The following XIRP2 variants were observed in gnomAD, a reference collection of about 807,000 sequenced individuals.
XIRP2 encodes the protein xin actin-binding repeat-containing protein 2.
In XIRP2, 236 loss-of-function variants were observed where a neutral mutation model predicts 277.0. That is an observed-to-expected ratio of 0.85 (90% CI 0.77 to 0.95). The LOEUF (loss-of-function observed/expected upper bound fraction) is 0.95, where lower values mean the gene tolerates loss of function less well. XIRP2 is among the 40% of genes least tolerant of loss of function. XIRP2 has a pLI of 0.00. For missense variants in XIRP2, 4,640 were observed against 4,157.5 expected, an observed-to-expected ratio of 1.12 and a Z score of -3.19; for synonymous variants, 1,490 against 1,416.5, an observed-to-expected ratio of 1.05 and a Z score of -1.17.
Position 167,251,565 on chromosome 2 carries a change from C to T in XIRP2, c.10173C>T (p.Cys3391=). Residue 3391 remains cysteine, a synonymous_variant, in exon 9 of 11, where the codon TGC becomes TGT. Coordinates refer to ENST00000409195, the MANE Select transcript of XIRP2 (RefSeq NM_152381.6). ...LGNTSFTDFS[C]KHPRELREKI... The stretch of plus-strand genomic sequence containing the variant: ...ACACGAGTTTTACAGACTTTTCTTG[C>T]AAACATCCTAGAGAACTGCGAGAAA... The T allele has an allele frequency of 2.5e-6, 4 of 1,613,540 alleles. No individual in the cohort carries two copies. In the African/African-American group the frequency reaches 5.3e-5, roughly 22 times the overall value.
chr2:166,974,465 A>G (rs1686659162), intron 2 of XIRP2, among the ~76,000 whole-genome samples: 1 of 152,194 alleles, frequency 6.6e-6, no homozygotes, highest in Non-Finnish European at 1.5e-5. Context: ...AGTTATATAT[A>G]TATACACATA....
At chr2:167,115,130 T>C (rs543512652) in intron 2 of XIRP2, among the ~76,000 whole-genome samples, 1 of 152,304 alleles carries the variant, frequency 6.6e-6, no homozygotes, top group East Asian at 1.9e-4. Context: ...TTTTAAAGAT[T>C]GCCATTCTAA....
At chr2:166,980,573 C>A (rs991057611) in intron 2 of XIRP2, among the ~76,000 whole-genome samples, 1 of 151,992 alleles carries the variant, frequency 6.6e-6, no homozygotes, top group Admixed American at 6.6e-5. Flanking sequence ...CCCGCCACCA[C>A]GTCTGGCTAA....
intron 3 of XIRP2, among the ~76,000 whole-genome samples, chr2:167,181,756 G>A (rs997571579): frequency 2.6e-5 from 4 of 151,968 alleles, no homozygotes; most frequent in East Asian, 3.9e-4. Flanking sequence ...AAACACTGAC[G>A]TAACTAGTAA....
At chr2:167,254,216 T>A in intron 10 of XIRP2, 51 bp downstream of exon 10, 4 of 1,565,620 alleles carry the variant, frequency 2.6e-6, no homozygotes, top group Non-Finnish European at 3.5e-6. Context: ...CTGCACTCTA[T>A]GTATAGCCTC....
Position 167,198,333 on chromosome 2 carries a change from T to C in XIRP2, c.563-12402T>C, listed in dbSNP as rs143560104. 7.9e-3 allele frequency among the ~76,000 whole-genome samples: 1,203 copies of C among 152,314 alleles called. 10 individuals carry two copies. Among genetic ancestry groups the C allele is most frequent in the Non-Finnish European group, 0.01 (690 of 68,012 alleles). On this transcript the variant is annotated intron_variant, in intron 3 of 10. Coordinates refer to ENST00000409195, the MANE Select transcript of XIRP2 (RefSeq NM_152381.6). ...CTGATTGCATCAGAGTTTTGATACA[T>C]TAAAATTATTATAGTTTTAATATGT...
rs982070873 is a variant in XIRP2, at chr2:167,087,667, G to T, written c.409-48242G>T. Among the ~76,000 whole-genome samples the T allele has an allele frequency of 4.6e-5, 7 of 152,316 alleles. No homozygotes were observed. The East Asian group carries it at 1.4e-3, about 29-fold the overall frequency. On this transcript the variant is annotated intron_variant, in intron 2 of 10. Transcript: ENST00000409195. The stretch of plus-strand genomic sequence containing the variant: ...TGGTGTGCCGTTTTTTAAGCCGGTC[G>T]GAAAAGCGCAGTATTTGGGTGGCAG...
In XIRP2 at chr2:167,242,928, C is replaced by T. The variant is rs1695119757; in HGVS notation, c.1536C>T (p.Asn512=). 6.2e-7 allele frequency: 1 copy of T among 1,613,302 alleles called. No individual in the cohort carries two copies. ...YKHIHPELRK[N]LEKDYISEVS... ...ACATCCATCCTGAGTTAAGAAAAAA[C>T]TTAGAAAAAGATTATATCAGTGAAG... Residue 512 remains asparagine (N), a synonymous_variant, in exon 9 of 11, where the codon AAC becomes AAT. Coordinates refer to ENST00000409195, the MANE Select transcript of XIRP2 (RefSeq NM_152381.6).
Position 166,892,981 on chromosome 2 carries a change from TAC to T in XIRP2, c.-19+4450_-19+4451del, listed in dbSNP as rs768482855. Among the ~76,000 whole-genome samples the T allele has an allele frequency of 1.7e-3, 244 of 142,956 alleles. 1 individual carries two copies. Among genetic ancestry groups the T allele is most frequent in the African/African-American group, 2.4e-3 (88 of 37,116 alleles). 93.8% of individuals were successfully genotyped at this position (142,956 alleles called of 152,430 possible). The stretch of plus-strand genomic sequence containing the variant: ...GTATATACATATATATATATGTATA[TAC>T]ACACACACACACACACACACACACA... On this transcript the variant is annotated intron_variant, in intron 1 of 10. Transcript: ENST00000409195.
rs182151614 is a variant in XIRP2, at chr2:166,920,160, A to C, written c.408+16270A>C. 1.9e-3 allele frequency among the ~76,000 whole-genome samples: 289 copies of C among 152,292 alleles called. 2 individuals carry two copies. Among genetic ancestry groups the C allele is most frequent in the African/African-American group, 6.6e-3 (275 of 41,562 alleles). On this transcript the variant is annotated intron_variant, in intron 2 of 10. Coordinates refer to ENST00000409195, the MANE Select transcript of XIRP2 (RefSeq NM_152381.6). ...AATGACTGAACACTGCGTATCTACC[A>C]GGTACTGAGCTGAAGGCCTCATGAG...
At chr2:166,911,905 A>G (rs537153318) in intron 2 of XIRP2, among the ~76,000 whole-genome samples, 1 of 152,230 alleles carries the variant, frequency 6.6e-6, no homozygotes, top group African/African-American at 2.4e-5. Flanking sequence ...CTGGGTTGAA[A>G]ATACTTTTCT....
intron 3 of XIRP2, among the ~76,000 whole-genome samples, chr2:167,142,017 G>A (rs1691735012): frequency 6.6e-6 from 1 of 152,140 alleles, no homozygotes; most frequent in African/African-American, 2.4e-5. Context: ...GAAGATAGAG[G>A]AAACATACCG....
intron 3 of XIRP2, among the ~76,000 whole-genome samples, chr2:167,209,650 A>AT (rs2105387890): frequency 6.6e-6 from 1 of 152,188 alleles, no homozygotes; most frequent in East Asian, 1.9e-4. Context: ...ATGTATACAT[A>AT]CCTATAACAT....
intron 2 of XIRP2, among the ~76,000 whole-genome samples, chr2:167,057,539 A>G (rs1234799762): frequency 1.3e-5 from 2 of 152,206 alleles, no homozygotes; most frequent in African/African-American, 4.8e-5. Flanking sequence ...AACAGTTGCT[A>G]AAATTATTAT....
At chr2:167,224,938 G>A (rs987983933) in intron 5 of XIRP2, among the ~76,000 whole-genome samples, 4 of 152,234 alleles carry the variant, frequency 2.6e-5, no homozygotes, top group African/African-American at 4.8e-5. Context: ...ATACCTGTAC[G>A]TGTTTTGAGC....
chr2:166,937,426 T>C (rs183060919), intron 2 of XIRP2, among the ~76,000 whole-genome samples: 86 of 152,342 alleles, frequency 5.6e-4, no homozygotes, highest in African/African-American at 1.9e-3. Flanking sequence ...GCACCAGCCT[T>C]GCATCCCAGG....
At chr2:166,896,527 A>G (rs759146668) in intron 1 of XIRP2, among the ~76,000 whole-genome samples, 1 of 151,900 alleles carries the variant, frequency 6.6e-6, no homozygotes. Context: ...AAATAAAGAT[A>G]TAAAGAAAAA....
chr2:167,254,138 G>A lies in XIRP2; in HGVS notation c.*12G>A, dbSNP rs201596055. The A allele has an allele frequency of 1.1e-4, 180 of 1,610,082 alleles. No homozygotes were observed. Among genetic ancestry groups the A allele is most frequent in the East Asian group, 3.4e-4 (15 of 44,756 alleles). Reference sequence around the variant, plus strand: ...CAGAATTTTCATAAGTCCTGCTTCCGATGCCACCATTGCAACAGTAAACTA... The same window carrying A: ...CAGAATTTTCATAAGTCCTGCTTCCAATGCCACCATTGCAACAGTAAACTA... On this transcript the variant is annotated 3_prime_UTR_variant, in exon 10 of 11. Transcript: ENST00000409195.
chr2:167,033,089 A>G (rs1361719931), intron 2 of XIRP2, among the ~76,000 whole-genome samples: 1 of 152,174 alleles, frequency 6.6e-6, no homozygotes, highest in Non-Finnish European at 1.5e-5. Flanking sequence ...TGTGACACAT[A>G]TACACGATGG....
Sources: gnomAD v4.1 joint callset for allele counts (sites outside exome capture counted in the v4.1 genomes callset) on GRCh38, gnomAD v4.1.1 for gene constraint, MANE v1.5 for transcripts, NCBI Gene and HGNC (gene_info 2026-07-23, HGNC 2026-07-21) for gene names.